GPALPP1: variants seen among roughly 807,000 people sequenced by gnomAD.
GPALPP1 encodes the protein GPALPP motifs-containing protein 1.
In GPALPP1, 30 loss-of-function variants were observed where a neutral mutation model predicts 38.9. That is an observed-to-expected ratio of 0.77 (90% CI 0.58 to 1.05). GPALPP1 has a LOEUF of 1.05. GPALPP1 is among the 50% of genes least tolerant of loss of function. The probability of loss-of-function intolerance (pLI) is 0.00; values close to 1 mark genes in which losing one functional copy is unlikely to be tolerated. For synonymous variants in GPALPP1, 120 were observed against 139.2 expected (o/e 0.86, Z 0.97); for missense variants, 384 against 408.8 (o/e 0.94, Z 0.52).
intron 1 of GPALPP1, among the ~76,000 whole-genome samples, chr13:44,995,597 C>A (rs147795193): frequency 2.6e-5 from 4 of 152,158 alleles, no homozygotes; most frequent in Non-Finnish European, 5.9e-5. Flanking sequence ...TAAATTACCC[C>A]CTAAGTCCCT....
intron 4 of GPALPP1, among the ~76,000 whole-genome samples, chr13:45,013,752 A>T (rs1169668896): frequency 6.6e-6 from 1 of 152,200 alleles, no homozygotes; most frequent in Non-Finnish European, 1.5e-5. Context: ...AGGTTAAATA[A>T]CATGCCTGAA....
At chr13:44,990,365 C>G (rs545532645) in intron 1 of GPALPP1, 1 of 162,760 alleles carries the variant, frequency 6.1e-6, no homozygotes, top group East Asian at 1.8e-4. Flanking sequence ...TGACAAACTT[C>G]TCCCCATCCT....
intron 1 of GPALPP1, among the ~76,000 whole-genome samples, chr13:44,990,846 T>C (rs1872744201): frequency 6.6e-6 from 1 of 152,170 alleles, no homozygotes; most frequent in African/African-American, 2.4e-5. Context: ...CTCAGCACTT[T>C]GAGAGGCTGA....
In GPALPP1 at chr13:44,989,609, C is replaced by T; in HGVS notation, c.-46C>T. On this transcript the variant is annotated 5_prime_UTR_variant, in exon 1 of 8. It adds an upstream start codon to the 5' untranslated region. Transcript: ENST00000379151. ...CGGGATTCTTTTTGGATAGGGTTGACGTTCGTGGATAGACTCATATCTGTG... is the reference window on the plus strand; with the variant it reads ...CGGGATTCTTTTTGGATAGGGTTGATGTTCGTGGATAGACTCATATCTGTG... 2 of 1,533,896 alleles carry T rather than the reference C, an allele frequency of 1.3e-6. No individual in the cohort carries two copies. The highest frequency in any genetic ancestry group is 1.8e-6 in the Non-Finnish European group (2 of 1,110,172).
At chr13:45,024,361 G>A (rs1875684494) in intron 7 of GPALPP1, among the ~76,000 whole-genome samples, 1 of 151,476 alleles carries the variant, frequency 6.6e-6, no homozygotes, top group Non-Finnish European at 1.5e-5. Context: ...GTGCAGTGGC[G>A]CGATCTCGGC....
rs755755060 is a variant in GPALPP1 at position 45,015,001 on chromosome 13, AAGGACC to A, written c.461_466del (p.Gly154_Pro155del). On this transcript the variant is annotated inframe_deletion, in exon 5 of 8. Transcript: ENST00000379151. ...GATATTATTGGACCAATGCCTGCAA[AAGGACC>A]AGTTAACTATAATGTAACGACAGAG... 6.2e-7 allele frequency: 1 copy of A among 1,606,756 alleles called. No homozygotes were observed. The highest frequency in any genetic ancestry group is 1.7e-5 in the Admixed American group (1 of 59,820).
In GPALPP1 at chr13:45,019,127, C is replaced by A. The variant is rs1286966516; in HGVS notation, c.706-1203C>A. On this transcript the variant is annotated intron_variant, in intron 6 of 7. Transcript: ENST00000379151. ...TATATATTTATATGTATATATATTT[C>A]TATGTATATATTTATATATATGTAT... 1.4e-3 allele frequency among the ~76,000 whole-genome samples: 183 copies of A among 127,802 alleles called. 1 individual carries two copies. The highest frequency in any genetic ancestry group is 2.8e-3 in the African/African-American group (89 of 31,234). The allele number at this position is 127,802 out of a possible 152,430, so 83.8% of individuals were successfully genotyped here.
Position 45,008,899 on chromosome 13 carries a change from A to G in GPALPP1, c.408+20A>G. 7.2e-7 allele frequency: 1 copy of G among 1,387,910 alleles called. No individual in the cohort carries two copies. Among genetic ancestry groups the G allele is most frequent in the Non-Finnish European group, 1.0e-6 (1 of 973,970 alleles). The allele number at this position is 1,387,910 out of a possible 1,614,324, so 86.0% of individuals were successfully genotyped here. A position where few individuals can be genotyped will look rare whatever the true frequency, so the allele number is the denominator to read the frequency against. On this transcript the variant is annotated intron_variant, in intron 4 of 7. Coordinates refer to ENST00000379151, the MANE Select transcript of GPALPP1 (RefSeq NM_018559.5). ...CAACAGGTATCATCATCCCATTTCA[A>G]CTCTAAGGTTTGGAAAGTTTTCATT...
At chr13:45,009,993 A>T (rs1016340125) in intron 4 of GPALPP1, among the ~76,000 whole-genome samples, 23 of 152,210 alleles carry the variant, frequency 1.5e-4, no homozygotes, top group African/African-American at 5.5e-4. Flanking sequence ...GAAGGGGTCC[A>T]GATGAAACAA....
chr13:44,991,451 A>T (rs1167543407), intron 1 of GPALPP1, among the ~76,000 whole-genome samples: 1 of 152,140 alleles, frequency 6.6e-6, no homozygotes, highest in Non-Finnish European at 1.5e-5. Flanking sequence ...GTCTCAAAAA[A>T]AAAAAAGAAA....
intron 6 of GPALPP1, 22 bp from the exon 7 acceptor site, chr13:45,020,308 G>T (rs1396632393): frequency 1.1e-6 from 1 of 880,088 alleles, no homozygotes; most frequent in South Asian, 1.4e-5. Context: ...TCAGTAATGT[G>T]TTATCTGTGT....
intron 1 of GPALPP1, among the ~76,000 whole-genome samples, chr13:44,993,787 C>G (rs1340508128): frequency 6.7e-6 from 1 of 149,412 alleles, no homozygotes; most frequent in African/African-American, 2.4e-5. Context: ...TCCACATCCT[C>G]CCAGTGCTTG....
chr13:45,033,016 G>A (rs1264170060), downstream of GPALPP1, among the ~76,000 whole-genome samples: 4 of 150,162 alleles, frequency 2.7e-5, no homozygotes, highest in Admixed American at 1.3e-4. Context: ...CAGCCTGGGC[G>A]ACAGAGCGAG....
At chr13:45,005,917 T>C (rs989857140) in intron 2 of GPALPP1, among the ~76,000 whole-genome samples, 5 of 152,016 alleles carry the variant, frequency 3.3e-5, no homozygotes, top group Non-Finnish European at 5.9e-5. Flanking sequence ...TCCCAGCTAC[T>C]TGGGAGGCTG....
chr13:45,027,723 T>C, intron 7 of GPALPP1, 62 bp from the exon 8 acceptor site: 1 of 781,898 alleles, frequency 1.3e-6, no homozygotes, highest in Non-Finnish European at 2.2e-6. Context: ...TTCATGGTCA[T>C]ATTCTGTCAA....
rs113613205 is a variant in GPALPP1 at position 45,015,092 on chromosome 13, T to C, written c.540+9T>C. Reference sequence around the variant, plus strand: ...TGACCAAAGGAGATGATGTAAGTTTTAAAAACACTTTAAGAAATACACTAA... The same window carrying C: ...TGACCAAAGGAGATGATGTAAGTTTCAAAAACACTTTAAGAAATACACTAA... On this transcript the variant is annotated intron_variant, in intron 5 of 7. Coordinates refer to ENST00000379151, the MANE Select transcript of GPALPP1 (RefSeq NM_018559.5). 116 of 1,562,550 alleles carry C rather than the reference T, an allele frequency of 7.4e-5. No homozygotes were observed. The African/African-American group carries it at 1.1e-3, about 14-fold the overall frequency.
chr13:44,993,669 G>A (rs1400800563), intron 1 of GPALPP1, among the ~76,000 whole-genome samples: 2 of 149,404 alleles, frequency 1.3e-5, no homozygotes, highest in Non-Finnish European at 3.0e-5. Context: ...GCGACAGATC[G>A]AGACTCCGTC....
At chr13:45,032,050 C>T (rs939690431), downstream of GPALPP1, 1 of 152,164 alleles carries the variant, frequency 6.6e-6, no homozygotes, top group Non-Finnish European at 1.5e-5. Flanking sequence ...TTTTGTCCAG[C>T]TCTCTAAATT....
downstream of GPALPP1, chr13:45,034,605 G>A (rs1325783649): frequency 6.6e-6 from 1 of 151,890 alleles, no homozygotes; most frequent in African/African-American, 2.4e-5. Context: ...GAAATATGAT[G>A]GTTCAGGGTT....
Sources: allele counts gnomAD v4.1 joint callset (sites outside exome capture counted in the v4.1 genomes callset), GRCh38; gene constraint gnomAD v4.1.1; transcripts MANE v1.5; gene names NCBI Gene and HGNC (gene_info 2026-07-23, HGNC 2026-07-21).